KCNK13: variants seen among roughly 807,000 people sequenced by gnomAD.
KCNK13 encodes the protein potassium two pore domain channel subfamily K member 13.
Under a neutral mutation model 23.4 loss-of-function variants are expected in KCNK13, and 12 were observed. That is an observed-to-expected ratio of 0.51 (90% CI 0.33 to 0.83). The LOEUF (loss-of-function observed/expected upper bound fraction) is 0.83. Among genes scored for constraint, KCNK13 ranks in the 40% least tolerant of loss-of-function variants. The pLI is 0.02. For missense variants in KCNK13, 463 were observed against 556.3 expected, an observed-to-expected ratio of 0.83 and a Z score of 1.69; for synonymous variants, 231 against 229.5, an observed-to-expected ratio of 1.01 and a Z score of -0.06.
At chr14:90,169,957 T>G (rs888989282) in intron 1 of KCNK13, among the ~76,000 whole-genome samples, 1 of 152,120 alleles carries the variant, frequency 6.6e-6, no homozygotes, top group Admixed American at 6.5e-5. Context: ...CTTCCCAAAT[T>G]GGGCTATAAG....
At chr14:90,154,901 T>C (rs1890177075) in intron 1 of KCNK13, among the ~76,000 whole-genome samples, 1 of 152,246 alleles carries the variant, frequency 6.6e-6, no homozygotes, top group Non-Finnish European at 1.5e-5. Context: ...TCTGACTATG[T>C]ACTGTATGTA....
chr14:90,145,370 G>A (rs571399896), intron 1 of KCNK13, among the ~76,000 whole-genome samples: 1 of 152,248 alleles, frequency 6.6e-6, no homozygotes, highest in South Asian at 2.1e-4. Context: ...CCCAGCCTGG[G>A]CGACAGAGCA....
intron 1 of KCNK13, among the ~76,000 whole-genome samples, chr14:90,068,794 C>A (rs553710120): frequency 6.6e-6 from 1 of 152,164 alleles, no homozygotes; most frequent in Admixed American, 6.5e-5. Context: ...AGAACATAGA[C>A]AAACTGGTGG....
At chr14:90,088,330 A>AAAAGAAAGAAAG (rs59020460) in intron 1 of KCNK13, among the ~76,000 whole-genome samples, 3 of 147,288 alleles carry the variant, frequency 2.0e-5, no homozygotes, top group Non-Finnish European at 4.5e-5. Context: ...AACAAGCTTA[A>AAAAGAAAGAAAG]AAAGAAAGAA....
chr14:90,155,998 G>T (rs1890189335), intron 1 of KCNK13, among the ~76,000 whole-genome samples: 1 of 152,114 alleles, frequency 6.6e-6, no homozygotes, highest in African/African-American at 2.4e-5. Flanking sequence ...GAGGTCAGGA[G>T]TTCGAGACGA....
chr14:90,135,540 C>T (rs1889925496), intron 1 of KCNK13, among the ~76,000 whole-genome samples: 1 of 152,182 alleles, frequency 6.6e-6, no homozygotes, highest in South Asian at 2.1e-4. Context: ...CCTTTTCTGC[C>T]TTCCTCGCCA....
chr14:90,169,786 C>T (rs1370621955), intron 1 of KCNK13, among the ~76,000 whole-genome samples: 1 of 152,180 alleles, frequency 6.6e-6, no homozygotes, highest in Non-Finnish European at 1.5e-5. Context: ...AAGGGACTCT[C>T]ATCACCACTC....
intron 1 of KCNK13, among the ~76,000 whole-genome samples, chr14:90,082,228 A>AT (rs200927063): frequency 0.11 from 16,338 of 142,580 alleles, 1,137 homozygotes; most frequent in South Asian, 0.26. Flanking sequence ...CACCCAGCTA[A>AT]TTTTTTTTTT....
rs772939199 is a variant in KCNK13 at position 90,184,284 on chromosome 14, G to A, written c.508G>A (p.Ala170Thr). 2.5e-6 allele frequency: 4 copies of A among 1,614,120 alleles called. No individual in the cohort carries two copies. Among genetic ancestry groups the A allele is most frequent in the Non-Finnish European group, 8.5e-7 (1 of 1,180,052 alleles). ...CHQRQLRRRG[A>T]LPQESLKDAG... ...CCAGCGGCAGCTCCGGAGACGAGGG[G>A]CCCTGCCCCAGGAGAGCCTGAAGGA... Residue 170 changes from alanine (A) to threonine (T), a missense_variant, in exon 2 of 2, where the codon GCC (alanine) becomes ACC (threonine). By Grantham distance (58) the Ala-to-Thr change is moderately conservative. Around this residue, in one of 3 missense-constraint regions of KCNK13, gnomAD observed 144 missense variants for 224.0 expected, o/e 0.64. Coordinates refer to ENST00000282146, the MANE Select transcript of KCNK13 (RefSeq NM_022054.4). This position sits in a 1 kb window ranked among gnomAD's most constrained non-coding sequence, Gnocchi z 5.6.
chr14:90,147,776 G>T (rs921483735), intron 1 of KCNK13, among the ~76,000 whole-genome samples: 2 of 152,028 alleles, frequency 1.3e-5, no homozygotes, highest in Non-Finnish European at 2.9e-5. Context: ...GTGAGGTTAG[G>T]TTATACTTTT....
At chr14:90,099,768 C>T (rs1405877119) in intron 1 of KCNK13, among the ~76,000 whole-genome samples, 1 of 152,174 alleles carries the variant, frequency 6.6e-6, no homozygotes, top group East Asian at 1.9e-4. Flanking sequence ...GAGGTGTTTA[C>T]AGAATTCTTC....
intron 1 of KCNK13, among the ~76,000 whole-genome samples, chr14:90,074,406 A>G (rs1889112780): frequency 6.6e-6 from 1 of 152,310 alleles, no homozygotes; most frequent in South Asian, 2.1e-4. Context: ...AGCCAAATAC[A>G]CTCACTTTGA....
At chr14:90,064,308 C>T (rs1049457839) in intron 1 of KCNK13, among the ~76,000 whole-genome samples, 4 of 148,740 alleles carry the variant, frequency 2.7e-5, no homozygotes, top group African/African-American at 1.0e-4. Flanking sequence ...GAATCTTTCC[C>T]ACCACCATGA....
At chr14:90,179,069 G>C (rs1219273126) in intron 1 of KCNK13, among the ~76,000 whole-genome samples, 3 of 152,170 alleles carry the variant, frequency 2.0e-5, no homozygotes, top group African/African-American at 7.2e-5. Context: ...AATGTCATTA[G>C]GTATGGTAAT....
At chr14:90,076,788 A>G (rs768760077) in intron 1 of KCNK13, among the ~76,000 whole-genome samples, 3 of 152,112 alleles carry the variant, frequency 2.0e-5, no homozygotes, top group Non-Finnish European at 4.4e-5. Flanking sequence ...TGTCTTGCTC[A>G]ATTGTTTTTC....
Position 90,184,374 on chromosome 14 carries a change from A to T in KCNK13, c.598A>T (p.Ile200Phe). 6.2e-7 allele frequency: 1 copy of T among 1,614,206 alleles called. No individual in the cohort carries two copies. Among genetic ancestry groups the T allele is most frequent in the Middle Eastern group, 1.6e-4 (1 of 6,062 alleles). ...WKPSVYYVML[I>F]LCTASILISC... ...GCCCTCCGTGTACTACGTCATGCTG[A>T]TCCTATGCACAGCCTCCATCCTCAT... The change falls in exon 2 of 2, where the codon ATC becomes TTC. Residue 200 changes from isoleucine to phenylalanine, a missense_variant. Ile to Phe is a conservative substitution (Grantham distance 21, BLOSUM62 0). Transcript: ENST00000282146. This position sits in a 1 kb window ranked among gnomAD's most constrained non-coding sequence, Gnocchi z 5.6.
intron 1 of KCNK13, among the ~76,000 whole-genome samples, chr14:90,127,404 A>G (rs1889814001): frequency 6.6e-6 from 1 of 151,142 alleles, no homozygotes; most frequent in Admixed American, 6.6e-5. Flanking sequence ...TGTTTTGGGG[A>G]CAGGACATTT....
intron 1 of KCNK13, among the ~76,000 whole-genome samples, chr14:90,096,658 A>T (rs1011042837): frequency 6.6e-6 from 1 of 152,240 alleles, no homozygotes; most frequent in Non-Finnish European, 1.5e-5. Flanking sequence ...GTAAGGATAC[A>T]TACAGGGGTA....
intron 1 of KCNK13, among the ~76,000 whole-genome samples, chr14:90,164,557 T>A (rs1450345399): frequency 6.6e-6 from 1 of 152,218 alleles, no homozygotes; most frequent in African/African-American, 2.4e-5. Context: ...CTAGAGTTAC[T>A]GTCATAGCAA....
Sources: gnomAD v4.1 joint callset for allele counts (sites outside exome capture counted in the v4.1 genomes callset) on GRCh38, gnomAD v4.1.1 for gene constraint, gnomAD v4.1.1 regional missense constraint, Gnocchi (gnomAD v3.1) non-coding constraint, MANE v1.5 for transcripts, NCBI Gene and HGNC (gene_info 2026-07-23, HGNC 2026-07-21) for gene names.